Variants in MDGA2 observed in about 807,000 individuals in gnomAD.
MDGA2 encodes the protein MAM domain containing glycosylphosphatidylinositol anchor 2.
In MDGA2, 40 loss-of-function variants were observed where a neutral mutation model predicts 117.8. The observed-to-expected ratio is 0.34, with a 90% CI of 0.26 to 0.44. The LOEUF is 0.44. Ranked by LOEUF, MDGA2 falls within the 20% of genes least tolerant of loss-of-function variation. The pLI, the probability that MDGA2 is intolerant of heterozygous loss-of-function variation, is 1.00. For missense variants in MDGA2, 1,123 were observed against 1,250.6 expected (o/e 0.90, Z 1.54); for synonymous variants, 452 against 439.0 (o/e 1.03, Z -0.37).
chr14:47,073,983 C>T (rs1890390520), intron 6 of MDGA2, among the ~76,000 whole-genome samples: 1 of 152,156 alleles, frequency 6.6e-6, no homozygotes, highest in Non-Finnish European at 1.5e-5. Context: ...TCCAGCTTTG[C>T]ATTGAATATC....
intron 8 of MDGA2, among the ~76,000 whole-genome samples, chr14:47,012,736 C>G (rs575164707): frequency 6.6e-6 from 1 of 152,142 alleles, no homozygotes; most frequent in African/African-American, 2.4e-5. Context: ...GTACAGATAT[C>G]TTGACAGAGT....
intron 4 of MDGA2, among the ~76,000 whole-genome samples, chr14:47,136,199 T>C (rs891696164): frequency 1.6e-4 from 20 of 121,456 alleles, no homozygotes; most frequent in East Asian, 1.0e-3. Context: ...TTTTCTCTCT[T>C]TTTTTTTTTT....
chr14:47,551,327 A>G (rs1895577046), intron 1 of MDGA2, among the ~76,000 whole-genome samples: 1 of 152,144 alleles, frequency 6.6e-6, no homozygotes, highest in Non-Finnish European at 1.5e-5. Flanking sequence ...AAATAACTGA[A>G]GCCTGTTCTT....
chr14:47,174,790 A>C (rs1417106076), intron 3 of MDGA2, among the ~76,000 whole-genome samples: 1 of 152,192 alleles, frequency 6.6e-6, no homozygotes, highest in African/African-American at 2.4e-5. Context: ...GCAAGAAATA[A>C]CTAAAATCAG....
intron 1 of MDGA2, among the ~76,000 whole-genome samples, chr14:47,351,543 A>G (rs1051956607): frequency 2.7e-4 from 41 of 152,148 alleles, no homozygotes; most frequent in Non-Finnish European, 4.9e-4. Context: ...AAGGCTCAAT[A>G]AGCACTTGCT....
intron 2 of MDGA2, among the ~76,000 whole-genome samples, chr14:47,238,308 C>T (rs940293038): frequency 2.6e-5 from 4 of 152,140 alleles, no homozygotes; most frequent in African/African-American, 9.7e-5. Flanking sequence ...ATATAACTTT[C>T]ATGTGGGCTG....
intron 14 of MDGA2, among the ~76,000 whole-genome samples, chr14:46,865,645 T>C (rs1253890131): frequency 5.3e-5 from 8 of 151,988 alleles, no homozygotes; most frequent in African/African-American, 7.2e-5. Flanking sequence ...GAAAACCCCA[T>C]TGTCTCAGCC....
intron 5 of MDGA2, among the ~76,000 whole-genome samples, chr14:47,105,005 C>A (rs979494171): frequency 6.6e-6 from 1 of 152,152 alleles, no homozygotes; most frequent in Non-Finnish European, 1.5e-5. Context: ...ACTCCGGCAC[C>A]GGTCACGGAC....
intron 1 of MDGA2, among the ~76,000 whole-genome samples, chr14:47,454,259 T>A (rs926287344): frequency 1.3e-5 from 2 of 152,120 alleles, no homozygotes; most frequent in African/African-American, 4.8e-5. Flanking sequence ...ACAGAGCAAA[T>A]GACATTCTTG....
At chr14:47,533,950 G>C (rs1392049200) in intron 1 of MDGA2, among the ~76,000 whole-genome samples, 1 of 152,108 alleles carries the variant, frequency 6.6e-6, no homozygotes, top group Non-Finnish European at 1.5e-5. Context: ...CAGCTTAAAA[G>C]GTAAAATTCA....
At chr14:47,323,620 A>G (rs1890054413) in intron 1 of MDGA2, among the ~76,000 whole-genome samples, 1 of 151,550 alleles carries the variant, frequency 6.6e-6, no homozygotes, top group South Asian at 2.1e-4. Flanking sequence ...CAACAGAGTA[A>G]GACTCCATCT....
intron 3 of MDGA2, among the ~76,000 whole-genome samples, chr14:47,214,201 C>G (rs915625479): frequency 2.0e-5 from 3 of 152,000 alleles, no homozygotes; most frequent in African/African-American, 7.2e-5. Flanking sequence ...TATGTTCAGC[C>G]ACTCAGAAGA....
intron 1 of MDGA2, among the ~76,000 whole-genome samples, chr14:47,502,982 C>T (rs1197051310): frequency 6.6e-6 from 1 of 151,996 alleles, no homozygotes; most frequent in Non-Finnish European, 1.5e-5. Flanking sequence ...TCCAGCTAAA[C>T]GATACTTTTT....
At chr14:47,449,775 T>G (rs1893202350) in intron 1 of MDGA2, among the ~76,000 whole-genome samples, 1 of 152,170 alleles carries the variant, frequency 6.6e-6, no homozygotes, top group Non-Finnish European at 1.5e-5. Context: ...TTTTATGCTT[T>G]GTGAAAATAT....
chr14:47,504,629 C>T (rs1227695512), intron 1 of MDGA2, among the ~76,000 whole-genome samples: 1 of 151,834 alleles, frequency 6.6e-6, no homozygotes, highest in East Asian at 1.9e-4. Context: ...TGCAAATCAA[C>T]ACCACAATGA....
chr14:46,839,819 T>A (rs1390982026), downstream of MDGA2, among the ~76,000 whole-genome samples: 1 of 151,954 alleles, frequency 6.6e-6, no homozygotes, highest in Non-Finnish European at 1.5e-5. Flanking sequence ...TACCTAAATA[T>A]TCAAACTGGT....
At chr14:47,047,144 T>G (rs1170992104) in intron 7 of MDGA2, among the ~76,000 whole-genome samples, 2 of 152,142 alleles carry the variant, frequency 1.3e-5, no homozygotes, top group South Asian at 2.1e-4. Flanking sequence ...AGACCTACAC[T>G]TCACAAGAAG....
At chr14:46,859,476 T>C (rs542588910) in intron 14 of MDGA2, among the ~76,000 whole-genome samples, 9 of 152,196 alleles carry the variant, frequency 5.9e-5, no homozygotes, top group Non-Finnish European at 1.2e-4. Flanking sequence ...ATGACATCAA[T>C]TGTACAGTAC....
intron 1 of MDGA2, among the ~76,000 whole-genome samples, chr14:47,589,138 T>G (rs1395977357): frequency 5.3e-5 from 8 of 152,018 alleles, no homozygotes; most frequent in Non-Finnish European, 1.5e-5. Flanking sequence ...GTAAGATAAT[T>G]GCAGGCTTTG....
Sources: allele counts gnomAD v4.1 joint callset (sites outside exome capture counted in the v4.1 genomes callset), GRCh38; gene constraint gnomAD v4.1.1; transcripts MANE v1.5; gene names NCBI Gene and HGNC (gene_info 2026-07-23, HGNC 2026-07-21).